The following CKAP5 variants were observed in gnomAD, a reference collection of about 807,000 sequenced individuals.
CKAP5 encodes cytoskeleton-associated protein 5.
In CKAP5, 27 loss-of-function variants were observed where a neutral mutation model predicts 232.8. The observed-to-expected ratio is 0.12, with a 90% CI of 0.09 to 0.16. CKAP5 has a LOEUF of 0.16. Among genes scored for constraint, CKAP5 ranks in the 10% least tolerant of loss-of-function variants. The pLI is 1.00. For missense variants in CKAP5, 1,838 were observed against 2,424.7 expected (o/e 0.76, Z 5.08); for synonymous variants, 785 against 841.1 (o/e 0.93, Z 1.16).
intron 1 of CKAP5, among the ~76,000 whole-genome samples, chr11:46,838,499 A>C (rs1939967427): frequency 6.6e-6 from 1 of 151,484 alleles, no homozygotes; most frequent in Non-Finnish European, 1.5e-5. Context: ...ACAGCCAGAC[A>C]CGGTGGCTCA....
chr11:46,828,266 T>C (rs1056780341), intron 1 of CKAP5, among the ~76,000 whole-genome samples: 1 of 151,592 alleles, frequency 6.6e-6, no homozygotes, highest in African/African-American at 2.4e-5. Context: ...GGGGGCGGGG[T>C]AGATAAATAA....
intron 24 of CKAP5, 64 bp from the exon 25 acceptor site, chr11:46,771,046 A>C: frequency 1.9e-5 from 26 of 1,394,970 alleles, no homozygotes; most frequent in Non-Finnish European, 2.4e-5. Flanking sequence ...TTATGATCTC[A>C]GGCTTACTGA....
In CKAP5 at chr11:46,842,953, C is replaced by T. The variant is rs560591132; in HGVS notation, c.-38+3267G>A. ...CCGCACTCCAGCCTGGGTGACAGAG[C>T]AAGACTCCGTCTCAAAAAAAAAAAA... On this transcript the variant is annotated intron_variant, in intron 1 of 43. Transcript: ENST00000529230. 3.8e-5 allele frequency among the ~76,000 whole-genome samples: 4 copies of T among 104,376 alleles called. No individual in the cohort carries two copies. The South Asian group carries it at 1.2e-3, about 32-fold the overall frequency. 68.5% of individuals were successfully genotyped at this position (104,376 alleles called of 152,430 possible). A position where few individuals can be genotyped will look rare whatever the true frequency, so the allele number is the denominator to read the frequency against.
chr11:46,752,225 C>CACACACAT (rs1555160708), intron 38 of CKAP5, among the ~76,000 whole-genome samples: 3 of 132,930 alleles, frequency 2.3e-5, no homozygotes, highest in African/African-American at 8.1e-5. Flanking sequence ...CACACACACA[C>CACACACAT]ACACACACGT....
At chr11:46,781,269 A>G (rs2065339410) in intron 18 of CKAP5, among the ~76,000 whole-genome samples, 1 of 152,152 alleles carries the variant, frequency 6.6e-6, no homozygotes, top group South Asian at 2.1e-4. Flanking sequence ...TCTACTTTTT[A>G]AATATCTTAT....
chr11:46,821,389 C>T (rs1455303158), intron 1 of CKAP5, 121 bp from the exon 2 acceptor site: 1 of 465,668 alleles, frequency 2.1e-6, no homozygotes, highest in Non-Finnish European at 3.8e-6. Flanking sequence ...CCCGTTCTTT[C>T]GTCAGATCCC....
At chr11:46,844,644 T>G (rs1940137389) in intron 1 of CKAP5, among the ~76,000 whole-genome samples, 1 of 152,130 alleles carries the variant, frequency 6.6e-6, no homozygotes, top group African/African-American at 2.4e-5. Flanking sequence ...TTTAAAAAAT[T>G]TTTTTTCTTT....
rs368996068 is a variant in CKAP5, at chr11:46,787,890, A to C, written c.1968+791T>G. ...TCTGCCACTCCTGAAACAGCAAGAC[A>C]AACCCCTTTTCTTACTCTTTCTCCT... is the stretch of plus-strand genomic sequence containing the variant. On this transcript the variant is annotated intron_variant, in intron 16 of 43. Transcript: ENST00000529230. 1.1e-4 allele frequency among the ~76,000 whole-genome samples: 17 copies of C among 152,290 alleles called. 2 individuals carry two copies. The highest frequency in any genetic ancestry group is 7.7e-4 in the East Asian group (4 of 5,186).
At chr11:46,797,733 T>C in intron 11 of CKAP5, 72 bp downstream of exon 11, 2 of 1,429,244 alleles carry the variant, frequency 1.4e-6, no homozygotes, top group Admixed American at 4.3e-5. Context: ...AAGTAGTCAC[T>C]GTACATAATT....
intron 13 of CKAP5, among the ~76,000 whole-genome samples, chr11:46,792,552 C>CA (rs111528292): frequency 0.089 from 13,206 of 147,634 alleles, 1,920 homozygotes; most frequent in African/African-American, 0.31. Context: ...GACTCTGTCT[C>CA]AAAAAAAAAC....
Position 46,797,697 on chromosome 11 carries a change from A to T in CKAP5, c.1338+108T>A, listed in dbSNP as rs570667761. ...CTGCAAAGGCTCTGCTCCTCAAAAG[A>T]TCATAACCTCTATAGTCTGAAAGTC... On this transcript the variant is annotated intron_variant, in intron 11 of 43. Transcript: ENST00000529230. 7 of 1,128,628 alleles carry T rather than the reference A, an allele frequency of 6.2e-6. No homozygotes were observed. In the East Asian group the frequency reaches 1.2e-4, roughly 19 times the overall value. 69.9% of individuals were successfully genotyped at this position (1,128,628 alleles called of 1,614,324 possible).
chr11:46,802,670 C>G (rs1405290059), intron 8 of CKAP5, among the ~76,000 whole-genome samples: 2 of 151,966 alleles, frequency 1.3e-5, no homozygotes, highest in Non-Finnish European at 2.9e-5. Context: ...CACTCTTTTC[C>G]CAGTAAGAGT....
Position 46,770,702 on chromosome 11 carries a change from TA to T in CKAP5, c.3186+85del, listed in dbSNP as rs2065240005. On this transcript the variant is annotated intron_variant, in intron 25 of 43. Transcript: ENST00000529230. The stretch of plus-strand genomic sequence containing the variant: ...TCTCGGCCTCCCAAAGTGTTGGGAT[TA>T]CAGGCGTGAGCCACCGTGCCAGGCC... 6 of 1,268,104 alleles carry T rather than the reference TA, an allele frequency of 4.7e-6. No individual in the cohort carries two copies. In the South Asian group the frequency reaches 8.3e-5, roughly 18 times the overall value. 78.6% of individuals were successfully genotyped at this position (1,268,104 alleles called of 1,614,324 possible). A position where few individuals can be genotyped will look rare whatever the true frequency, so the allele number is the denominator to read the frequency against.
rs561300124 is a variant in CKAP5, at chr11:46,769,501, A to G, written c.3322+462T>C. Reference sequence around the variant, plus strand: ...GCCTGAGGCCAGGAGTTTGAGACCAACCTGCGCATCACAACAAAACCTCAT... The same window carrying G: ...GCCTGAGGCCAGGAGTTTGAGACCAGCCTGCGCATCACAACAAAACCTCAT... On this transcript the variant is annotated intron_variant, in intron 26 of 43. Coordinates refer to ENST00000529230, the MANE Select transcript of CKAP5 (RefSeq NM_001008938.4). Among the ~76,000 whole-genome samples the G allele has an allele frequency of 4.6e-5, 7 of 152,168 alleles. No individual in the cohort carries two copies. The South Asian group carries it at 1.5e-3, about 32-fold the overall frequency.
chr11:46,752,570 C>T (rs988043021), intron 38 of CKAP5, 65 bp downstream of exon 38: 1 of 1,258,460 alleles, frequency 7.9e-7, no homozygotes, highest in Admixed American at 1.8e-5. Flanking sequence ...ATTCCTCTTT[C>T]CCCATACTTT....
chr11:46,801,976 G>C (rs889449322), intron 8 of CKAP5: 1 of 152,338 alleles, frequency 6.6e-6, no homozygotes, highest in African/African-American at 2.4e-5. Context: ...AAAAGGCAAT[G>C]TATCTCTGAA....
chr11:46,746,280 ACCT>A (rs1328406537), intron 42 of CKAP5, among the ~76,000 whole-genome samples: 1 of 151,742 alleles, frequency 6.6e-6, no homozygotes, highest in Non-Finnish European at 1.5e-5. Context: ...TATAACTGAA[ACCT>A]CCTAAGTCTT....
Position 46,753,367 on chromosome 11 carries a change from G to A in CKAP5, c.5000C>T (p.Ser1667Phe), listed in dbSNP as rs1369203297. Residue 1667 changes from serine to phenylalanine, a missense_variant, in exon 37 of 44, where the codon TCT becomes TTT. Around this residue, in one of 6 missense-constraint regions of CKAP5, gnomAD observed 579 missense variants for 843.2 expected, o/e 0.69. Coordinates refer to ENST00000529230, the MANE Select transcript of CKAP5 (RefSeq NM_001008938.4). ...DLEEGQQVIR[S>F]VNLLVVKVLE... ...AACCTTCACCACCAAGAGGTTCACA[G>A]AGCGGATGACCTGTTGTCCTTCCTC... 6.2e-7 allele frequency: 1 copy of A among 1,613,976 alleles called. No individual in the cohort carries two copies. The highest frequency in any genetic ancestry group is 1.1e-5 in the South Asian group (1 of 91,050).
chr11:46,762,514 G>T, intron 31 of CKAP5, 113 bp downstream of exon 31: 1 of 1,291,910 alleles, frequency 7.7e-7, no homozygotes, highest in Non-Finnish European at 1.1e-6. Context: ...AAATCAGGAG[G>T]TTGGAATCAA....
Sources: gnomAD v4.1 joint callset for allele counts (sites outside exome capture counted in the v4.1 genomes callset) on GRCh38, gnomAD v4.1.1 for gene constraint, gnomAD v4.1.1 regional missense constraint, MANE v1.5 for transcripts, NCBI Gene and HGNC (gene_info 2026-07-23, HGNC 2026-07-21) for gene names.